The following ADNP2 variants were observed in gnomAD, a reference collection of about 807,000 sequenced individuals.
ADNP2 encodes ADNP homeobox 2.
Under a neutral mutation model 16.4 loss-of-function variants are expected in ADNP2, and 8 were observed. The ratio of observed to expected loss-of-function variants is 0.49; its 90% CI spans 0.29 to 0.88. The LOEUF is 0.88. ADNP2 is among the 40% of genes least tolerant of loss of function. ADNP2 has a pLI of 0.09. For synonymous variants in ADNP2, 637 were observed against 545.8 expected (o/e 1.17, Z -2.33); for missense variants, 1,397 against 1,395.1 (o/e 1.00, Z -0.02).
chr18:80,137,811 C>T lies in ADNP2; in HGVS notation c.2398C>T (p.Pro800Ser). 1 of 1,614,112 alleles carries T rather than the reference C, an allele frequency of 6.2e-7. No individual in the cohort carries two copies. The change falls in exon 4 of 4, where the codon CCT (proline) becomes TCT (serine). Residue 800 changes from proline (P) to serine (S), a missense_variant. By Grantham distance (74) the Pro-to-Ser change is moderately conservative (BLOSUM62 -1). This residue lies in a region of ADNP2 where 611 missense variants were observed against 648.7 expected (regional missense o/e 0.94). Transcript: ENST00000262198. This position sits in a 1 kb window ranked among gnomAD's most constrained non-coding sequence, Gnocchi z 4.2. The part of the protein sequence containing the change: ...RNRHLGKKKL[P>S]MDYSNRGFQL... The stretch of plus-strand genomic sequence containing the variant: ...TAGGCACCTGGGGAAGAAGAAGTTG[C>T]CTATGGATTATAGCAACAGAGGTTT...
At chr18:80,125,917 T>C (rs958196809) in intron 2 of ADNP2, among the ~76,000 whole-genome samples, 5 of 152,220 alleles carry the variant, frequency 3.3e-5, no homozygotes, top group Admixed American at 2.0e-4. Context: ...GATTGAGTAG[T>C]TGTATGAGAG....
At position 80,139,296 on chromosome 18, in the gene ADNP2, G is replaced by C. The variant is rs1240069547; in HGVS notation, c.*487G>C. 2.0e-5 allele frequency: 3 copies of C among 152,326 alleles called. No individual in the cohort carries two copies. The highest frequency in any genetic ancestry group is 4.4e-5 in the Non-Finnish European group (3 of 68,254). The allele number at this position is 152,326 out of a possible 1,614,324, so 9.4% of individuals were successfully genotyped here. ...ACAAACCCTGTGATGTATGTATAAG[G>C]CTCCCTGAGGATGCACTGCATTAAC... On this transcript the variant is annotated 3_prime_UTR_variant, in exon 4 of 4. Coordinates refer to ENST00000262198, the MANE Select transcript of ADNP2 (RefSeq NM_014913.4).
rs766356947 is a variant in ADNP2 at position 80,137,173 on chromosome 18, C to A, written c.1760C>A (p.Ser587Ter). Residue 587 changes from serine to a stop codon, truncating the protein, a stop_gained, in exon 4 of 4, where the codon TCG becomes TAG. Transcript: ENST00000262198. LOFTEE classifies it low-confidence loss of function (END_TRUNC). This position sits in a 1 kb window ranked among gnomAD's most constrained non-coding sequence, Gnocchi z 4.2. ...AATCAGCCAGTGAGACCTGGTGCTT[C>A]GCAGAACACCACCTTCCTGACATCA... ...PVNQPVRPGA[S>*]QNTTFLTSGS... is the part of the protein sequence containing the mutation. The A allele has an allele frequency of 6.2e-7, 1 of 1,614,212 alleles. No homozygotes were observed. The highest frequency in any genetic ancestry group is 1.1e-5 in the South Asian group (1 of 91,086).
chr18:80,132,812 C>T (rs9955600), intron 2 of ADNP2, among the ~76,000 whole-genome samples: 1,975 of 152,040 alleles, frequency 0.013, 36 homozygotes, highest in African/African-American at 0.044. Context: ...CTCCACCTCC[C>T]GGGTTCAAGC....
intron 2 of ADNP2, among the ~76,000 whole-genome samples, chr18:80,128,021 A>G (rs1045373722): frequency 3.0e-4 from 46 of 152,240 alleles, no homozygotes; most frequent in African/African-American, 1.0e-3. Context: ...GCCCCTTTTT[A>G]ATAGTAGCTT....
chr18:80,113,834 T>C (rs2052372540), intron 1 of ADNP2, among the ~76,000 whole-genome samples: 1 of 152,100 alleles, frequency 6.6e-6, no homozygotes, highest in Non-Finnish European at 1.5e-5. Context: ...AAGCCTGTCC[T>C]TGGGTGGTGG....
chr18:80,137,158 T>G lies in ADNP2; in HGVS notation c.1745T>G (p.Val582Gly), dbSNP rs772011700. 5.0e-6 allele frequency: 8 copies of G among 1,614,208 alleles called. No homozygotes were observed. The highest frequency in any genetic ancestry group is 6.8e-6 in the Non-Finnish European group (8 of 1,180,026). The change falls in exon 4 of 4, where the codon GTG becomes GGG. Residue 582 changes from valine (V) to glycine (G), a missense_variant. Transcript: ENST00000262198. This position sits in a 1 kb window ranked among gnomAD's most constrained non-coding sequence, Gnocchi z 4.2. Reference protein sequence around the residue: ...GTNILPVNQPVRPGASQNTTF... With the variant: ...GTNILPVNQPGRPGASQNTTF... ...AACATTCTGCCTGTGAATCAGCCAG[T>G]GAGACCTGGTGCTTCGCAGAACACC... is the stretch of plus-strand genomic sequence containing the variant.
At position 80,137,655 on chromosome 18, in the gene ADNP2, C is replaced by T; in HGVS notation, c.2242C>T (p.Arg748Ter). Residue 748 changes from arginine (R) to a stop codon, truncating the protein, a stop_gained, in exon 4 of 4, where the codon CGA becomes TGA. Coordinates refer to ENST00000262198, the MANE Select transcript of ADNP2 (RefSeq NM_014913.4). LOFTEE classifies it low-confidence loss of function (END_TRUNC). This position sits in a 1 kb window ranked among gnomAD's most constrained non-coding sequence, Gnocchi z 4.2. ...AAAGTGGATGAGAGAGAAAACGGTGCGATGTCTGTCTTGTAAGTGCTTGGT... is the reference window on the plus strand; with the variant it reads ...AAAGTGGATGAGAGAGAAAACGGTGTGATGTCTGTCTTGTAAGTGCTTGGT... ...FLKWMREKTV[R>*]CLSCKCLVSE... 6.2e-7 allele frequency: 1 copy of T among 1,614,150 alleles called. No homozygotes were observed. Among genetic ancestry groups the T allele is most frequent in the East Asian group, 2.2e-5 (1 of 44,880 alleles).
chr18:80,112,617 T>A (rs1054783843), intron 1 of ADNP2, among the ~76,000 whole-genome samples: 1 of 152,176 alleles, frequency 6.6e-6, no homozygotes, highest in Non-Finnish European at 1.5e-5. Flanking sequence ...AAGTGACAAC[T>A]CCTTGGCCCT....
intron 3 of ADNP2, among the ~76,000 whole-genome samples, chr18:80,134,459 G>A (rs1747858628): frequency 6.6e-6 from 1 of 151,784 alleles, no homozygotes; most frequent in African/African-American, 2.4e-5. Context: ...AGGAAAGGAT[G>A]AGAATTAACC....
At chr18:80,128,285 T>A (rs1052764588) in intron 2 of ADNP2, among the ~76,000 whole-genome samples, 1 of 152,248 alleles carries the variant, frequency 6.6e-6, no homozygotes, top group African/African-American at 2.4e-5. Flanking sequence ...GGAATCAGAA[T>A]AAAGGACCTG....
In ADNP2 at chr18:80,137,411, G is replaced by A; in HGVS notation, c.1998G>A (p.Val666=). ...GCATGCCCTCTCCTCCAGTGCTGGT[G>A]AATGCTGCTCAGAGCGTGTTTGTTC... is the stretch of plus-strand genomic sequence containing the variant. The part of the protein sequence containing the change: ...MPGMPSPPVL[V]NAAQSVFVQA... Residue 666 remains valine, a synonymous_variant, in exon 4 of 4, where the codon GTG becomes GTA. Coordinates refer to ENST00000262198, the MANE Select transcript of ADNP2 (RefSeq NM_014913.4). The surrounding 1 kb of genome is among the most constrained non-coding windows in gnomAD (Gnocchi z 4.2). The A allele has an allele frequency of 6.2e-7, 1 of 1,614,214 alleles. No homozygotes were observed. Among genetic ancestry groups the A allele is most frequent in the Non-Finnish European group, 8.5e-7 (1 of 1,180,050 alleles).
intron 1 of ADNP2, among the ~76,000 whole-genome samples, chr18:80,114,631 C>T (rs1050632272): frequency 6.6e-6 from 1 of 152,154 alleles, no homozygotes; most frequent in Non-Finnish European, 1.5e-5. Flanking sequence ...GGGTTATAGT[C>T]TATATAACTA....
intron 1 of ADNP2, among the ~76,000 whole-genome samples, chr18:80,115,793 G>A (rs2052385284): frequency 6.6e-6 from 1 of 151,696 alleles, no homozygotes; most frequent in Non-Finnish European, 1.5e-5. Flanking sequence ...TTTTTTTCTG[G>A]GGACGGAGTT....
At chr18:80,124,845 G>A (rs907767942) in intron 2 of ADNP2, among the ~76,000 whole-genome samples, 4 of 152,126 alleles carry the variant, frequency 2.6e-5, no homozygotes, top group African/African-American at 4.8e-5. Flanking sequence ...TGGTTTATGC[G>A]TGAGTCTTAT....
At chr18:80,119,789 GA>G (rs2052412995) in intron 2 of ADNP2, among the ~76,000 whole-genome samples, 1 of 152,176 alleles carries the variant, frequency 6.6e-6, no homozygotes, top group Admixed American at 6.5e-5. Flanking sequence ...TTGGATCTGG[GA>G]TGGGCGAGGG....
intron 1 of ADNP2, among the ~76,000 whole-genome samples, chr18:80,116,060 C>T (rs544583105): frequency 2.0e-5 from 3 of 152,242 alleles, no homozygotes; most frequent in Admixed American, 6.5e-5. Context: ...CCACTGCACT[C>T]GGCCCACTGT....
Position 80,139,405 on chromosome 18 carries a change from T to TC in ADNP2, c.*596_*597insC, listed in dbSNP as rs2145221084. On this transcript the variant is annotated 3_prime_UTR_variant, in exon 4 of 4. Transcript: ENST00000262198. Reference sequence around the variant, plus strand: ...TTTAGGTTTATCCTAATAGCTGTTTTTTTTTTTAACCATAACTCATAGAAA... The same window carrying TC: ...TTTAGGTTTATCCTAATAGCTGTTTTCTTTTTTTAACCATAACTCATAGAAA... 6.6e-6 allele frequency: 1 copy of TC among 152,004 alleles called. No individual in the cohort carries two copies. Among genetic ancestry groups the TC allele is most frequent in the South Asian group, 2.1e-4 (1 of 4,804 alleles). The allele number at this position is 152,004 out of a possible 1,614,324, so 9.4% of individuals were successfully genotyped here.
chr18:80,130,838 A>G lies in ADNP2; in HGVS notation c.109-2265A>G, dbSNP rs1446391787. Reference sequence around the variant, plus strand: ...TCATTATTCATAGCACCTACCACCCATGAAAGACAGTAGTTTCTTGTGAAA... The same window carrying G: ...TCATTATTCATAGCACCTACCACCCGTGAAAGACAGTAGTTTCTTGTGAAA... On this transcript the variant is annotated intron_variant, in intron 2 of 3. Transcript: ENST00000262198. 2.1e-5 allele frequency among the ~76,000 whole-genome samples: 3 copies of G among 143,688 alleles called. No individual in the cohort carries two copies. In the Admixed American group the frequency reaches 2.3e-4, roughly 11 times the overall value. The allele number at this position is 143,688 out of a possible 152,430, so 94.3% of individuals were successfully genotyped here. A position where few individuals can be genotyped will look rare whatever the true frequency, so the allele number is the denominator to read the frequency against.
Sources: allele counts gnomAD v4.1 joint callset (sites outside exome capture counted in the v4.1 genomes callset), GRCh38; gene constraint gnomAD v4.1.1; regional missense constraint gnomAD v4.1.1; non-coding constraint Gnocchi (gnomAD v3.1); transcripts MANE v1.5; gene names NCBI Gene and HGNC (gene_info 2026-07-23, HGNC 2026-07-21).